TENM2: variants seen among roughly 807,000 people sequenced by gnomAD.
The protein encoded by TENM2 is teneurin-2.
In TENM2, 52 loss-of-function variants were observed where a neutral mutation model predicts 245.2. That is an observed-to-expected ratio of 0.21 (90% confidence interval 0.17 to 0.27). The LOEUF (loss-of-function observed/expected upper bound fraction) is 0.27. TENM2 is among the 10% of genes least tolerant of loss of function. TENM2 has a pLI of 1.00. For missense variants in TENM2, 3,046 were observed against 3,666.8 expected (o/e 0.83, Z 4.37); for synonymous variants, 1,363 against 1,438.9 (o/e 0.95, Z 1.19).
the TENM2 span, among the ~76,000 whole-genome samples, chr5:167,231,451 C>T: frequency 6.6e-6 from 1 of 152,160 alleles, no homozygotes; most frequent in African/African-American, 2.4e-5. Context: ...AAAGGTAACT[C>T]TTACTATGTT....
At chr5:167,553,742 G>A (rs184598652) in intron 2 of TENM2, among the ~76,000 whole-genome samples, 1 of 152,272 alleles carries the variant, frequency 6.6e-6, no homozygotes, top group Admixed American at 6.5e-5. Context: ...AGACTATTCA[G>A]CTTTTAGGTA....
chr5:167,375,511 C>T (rs764936243), intron 2 of TENM2, 38 bp downstream of exon 4: 11 of 1,531,340 alleles, frequency 7.2e-6, no homozygotes, highest in African/African-American at 2.8e-5. Context: ...ACGTTCTGTG[C>T]ACTGCACCAC....
chr5:168,070,308 G>A (rs1790873645), intron 7 of TENM2, among the ~76,000 whole-genome samples: 1 of 151,958 alleles, frequency 6.6e-6, no homozygotes. Flanking sequence ...AAACTTTTTG[G>A]CAGGGTTTCC....
chr5:167,959,365 T>G (rs1780823571), intron 4 of TENM2, among the ~76,000 whole-genome samples: 1 of 152,120 alleles, frequency 6.6e-6, no homozygotes, highest in Non-Finnish European at 1.5e-5. Flanking sequence ...CAGCTAATTT[T>G]TTTGTATTGT....
chr5:167,194,405 CAT>C, the TENM2 span, among the ~76,000 whole-genome samples: 1 of 152,028 alleles, frequency 6.6e-6, no homozygotes, highest in African/African-American at 2.4e-5. Flanking sequence ...CTAATGAACA[CAT>C]GAGCCAGTTT....
chr5:167,442,082 C>G (rs1297284236), intron 2 of TENM2, among the ~76,000 whole-genome samples: 1 of 152,186 alleles, frequency 6.6e-6, no homozygotes, highest in Admixed American at 6.5e-5. Flanking sequence ...TGTTGTTGAA[C>G]TATTTTCTCC....
intron 2 of TENM2, among the ~76,000 whole-genome samples, chr5:167,422,658 T>C (rs1264690585): frequency 6.6e-6 from 1 of 152,192 alleles, no homozygotes; most frequent in Non-Finnish European, 1.5e-5. Context: ...ATGCCACTGA[T>C]AGCAACAGTC....
intron 5 of TENM2, among the ~76,000 whole-genome samples, chr5:168,040,870 G>A (rs1035199682): frequency 6.6e-6 from 1 of 152,156 alleles, no homozygotes; most frequent in African/African-American, 2.4e-5. Flanking sequence ...TGGCCTGACT[G>A]GCAATTGAAG....
intron 2 of TENM2, among the ~76,000 whole-genome samples, chr5:167,868,836 A>C (rs932093181): frequency 2.6e-5 from 4 of 152,240 alleles, no homozygotes; most frequent in Non-Finnish European, 5.9e-5. Flanking sequence ...CCTATGGTAC[A>C]GTCATGTATA....
chr5:168,089,821 G>A (rs750859680), intron 7 of TENM2, among the ~76,000 whole-genome samples: 10 of 152,068 alleles, frequency 6.6e-5, no homozygotes, highest in Middle Eastern at 3.2e-3. Context: ...CGATCATGAC[G>A]GCTAACATGT....
chr5:167,444,274 T>C (rs7707070), intron 2 of TENM2, among the ~76,000 whole-genome samples: 144,468 of 152,046 alleles, frequency 0.95, 69,087 homozygotes, highest in East Asian at 1. Flanking sequence ...CACATTTGCT[T>C]ATGCACACAT....
At chr5:167,064,520 G>T in the TENM2 span, among the ~76,000 whole-genome samples, 793 of 152,258 alleles carry the variant, frequency 5.2e-3, 3 homozygotes, top group Non-Finnish European at 8.4e-3. Context: ...AAAAGCAGAT[G>T]ATATTTAAGT....
At chr5:168,136,327 C>A (rs1211589964) in intron 12 of TENM2, among the ~76,000 whole-genome samples, 1 of 152,180 alleles carries the variant, frequency 6.6e-6, no homozygotes, top group Non-Finnish European at 1.5e-5. Context: ...TCCCAAGGGC[C>A]TCTAGAAGTT....
chr5:167,446,703 G>C (rs902626495), intron 2 of TENM2, among the ~76,000 whole-genome samples: 1 of 151,722 alleles, frequency 6.6e-6, no homozygotes, highest in Non-Finnish European at 1.5e-5. Context: ...CTTTTTTGGG[G>C]GGGGGGATTT....
At chr5:168,231,543 G>A (rs1211685872) in intron 25 of TENM2, among the ~76,000 whole-genome samples, 1 of 152,178 alleles carries the variant, frequency 6.6e-6, no homozygotes, top group Non-Finnish European at 1.5e-5. Context: ...TATCCTGAGG[G>A]CAATGGTGAG....
At chr5:167,113,771 A>T in the TENM2 span, among the ~76,000 whole-genome samples, 1 of 152,250 alleles carries the variant, frequency 6.6e-6, no homozygotes, top group East Asian at 1.9e-4. Flanking sequence ...TGCATAGAAA[A>T]TTTATAAAAT....
chr5:167,540,477 T>C (rs770510674), intron 2 of TENM2, among the ~76,000 whole-genome samples: 6 of 152,174 alleles, frequency 3.9e-5, no homozygotes, highest in Non-Finnish European at 5.9e-5. Flanking sequence ...AATTTCAGTG[T>C]CCATAAAAAA....
intron 1 of TENM2, among the ~76,000 whole-genome samples, chr5:167,357,429 T>TGTGCCAC (rs1289664587): frequency 6.6e-6 from 1 of 151,834 alleles, no homozygotes; most frequent in Admixed American, 6.6e-5. Flanking sequence ...ATTACAGGCA[T>TGTGCCAC]GTGCCACCAC....
At chr5:167,056,784 TCTCCTC>T in the TENM2 span, among the ~76,000 whole-genome samples, 2 of 149,816 alleles carry the variant, frequency 1.3e-5, no homozygotes, top group African/African-American at 2.4e-5. Flanking sequence ...TTTTTTCTCT[TCTCCTC>T]CTCCTCCTCC....
Sources: gnomAD v4.1 joint callset for allele counts (sites outside exome capture counted in the v4.1 genomes callset) on GRCh38, gnomAD v4.1.1 for gene constraint, MANE v1.5 for transcripts, NCBI Gene and HGNC (gene_info 2026-07-23, HGNC 2026-07-21) for gene names.